Variants in CHEK2 observed in about 807,000 individuals in gnomAD.
CHEK2 encodes serine/threonine-protein kinase Chk2.
Under a neutral mutation model 69.1 loss-of-function variants are expected in CHEK2, and 71 were observed. The ratio of observed to expected loss-of-function variants is 1.03; its 90% CI spans 0.85 to 1.25. CHEK2 has a LOEUF of 1.25. Ranked by LOEUF, CHEK2 falls within the 50% of genes most tolerant of loss-of-function variation. The probability of loss-of-function intolerance (pLI) is 0.00; values close to 1 mark genes in which losing one functional copy is unlikely to be tolerated. For missense variants in CHEK2, 664 were observed against 649.6 expected, an observed-to-expected ratio of 1.02 and a Z score of -0.24; for synonymous variants, 189 against 226.9, an observed-to-expected ratio of 0.83 and a Z score of 1.50.
chr22:28,726,533 A>G (rs1231697079), intron 2 of CHEK2, among the ~76,000 whole-genome samples: 3 of 145,824 alleles, frequency 2.1e-5, no homozygotes, highest in African/African-American at 7.5e-5. Context: ...TATATTATAT[A>G]TTTATAATAT....
intron 10 of CHEK2, among the ~76,000 whole-genome samples, chr22:28,696,400 G>A (rs543527941): frequency 1.6e-4 from 24 of 152,340 alleles, no homozygotes; most frequent in African/African-American, 5.5e-4. Flanking sequence ...CTGAGATGAT[G>A]TCTGGCCCTT....
intron 13 of CHEK2, among the ~76,000 whole-genome samples, chr22:28,690,797 A>G (rs2052332743): frequency 2.0e-5 from 3 of 150,462 alleles, no homozygotes; most frequent in Admixed American, 2.0e-4. Flanking sequence ...CTGAGGAAGG[A>G]AGAAAGGAAA....
chr22:28,720,139 G>A (rs921272383), intron 4 of CHEK2, among the ~76,000 whole-genome samples: 1 of 142,168 alleles, frequency 7.0e-6, no homozygotes, highest in Non-Finnish European at 1.5e-5. Context: ...TGCCCAGGCT[G>A]GAGTGCAGTG....
Position 28,710,200 on chromosome 22 carries a change from G to A in CHEK2, c.793-141C>T, listed in dbSNP as rs569761496. The A allele has an allele frequency of 1.3e-5, 8 of 605,910 alleles. No homozygotes were observed. In the East Asian group the frequency reaches 2.0e-4, roughly 15 times the overall value. 37.5% of individuals were successfully genotyped at this position (605,910 alleles called of 1,614,324 possible). A position where few individuals can be genotyped will look rare whatever the true frequency, so the allele number is the denominator to read the frequency against. On this transcript the variant is annotated intron_variant, in intron 6 of 14. Transcript: ENST00000404276. ...CTTATACAAAGAAATCAAAGCCCAG[G>A]TCAATGACTTAAATACCTCACCTAA...
intron 13 of CHEK2, among the ~76,000 whole-genome samples, chr22:28,690,830 A>AG (rs1256755838): frequency 2.4e-5 from 3 of 125,740 alleles, no homozygotes; most frequent in Non-Finnish European, 3.3e-5. Context: ...GAAAAAGGGG[A>AG]GGGGGGACGA....
chr22:28,710,482 TAAAC>T (rs774991595), intron 6 of CHEK2, among the ~76,000 whole-genome samples: 14 of 152,110 alleles, frequency 9.2e-5, no homozygotes, highest in African/African-American at 2.4e-4. Context: ...ATTAAAATGA[TAAAC>T]AAAAAACATG....
At chr22:28,703,430 C>T (rs2052968560) in intron 8 of CHEK2, 75 bp downstream of exon 8, 1 of 827,624 alleles carries the variant, frequency 1.2e-6, no homozygotes. Context: ...GAAAGGCAAG[C>T]CTACATTAGA....
At chr22:28,703,242 T>C (rs2052957940) in intron 8 of CHEK2, among the ~76,000 whole-genome samples, 1 of 152,134 alleles carries the variant, frequency 6.6e-6, no homozygotes, top group Admixed American at 6.5e-5. Context: ...GACCCATGGG[T>C]GGTCAGCTAG....
Position 28,701,209 on chromosome 22 carries a change from AGGGGT to A in CHEK2, c.909-1277_909-1273del, listed in dbSNP as rs753805574. On this transcript the variant is annotated intron_variant, in intron 8 of 14. Transcript: ENST00000404276. ...CCCAGTGCTGTGATCAGGGGTGATC[AGGGGT>A]GTTTTTACCATAGTCTTTTTTCTTT... Among the ~76,000 whole-genome samples the A allele has an allele frequency of 1.4e-4, 22 of 152,192 alleles. No individual in the cohort carries two copies. The East Asian group carries it at 2.3e-3, about 16-fold the overall frequency.
intron 13 of CHEK2, among the ~76,000 whole-genome samples, chr22:28,691,335 C>A (rs541888492): frequency 7.9e-5 from 12 of 152,204 alleles, no homozygotes; most frequent in Middle Eastern, 6.8e-3. Flanking sequence ...CAAAAATGAG[C>A]TGGGATGGTG....
At position 28,713,697 on chromosome 22, in the gene CHEK2, T is replaced by G. The variant is rs140681563; in HGVS notation, c.684-1680A>C. ...GTCTGAACACTTGTTTGCTTTTTTT[T>G]TGAGATATAGGCTCGATCTGTCACC... On this transcript the variant is annotated intron_variant, in intron 5 of 14. Transcript: ENST00000404276. Among the ~76,000 whole-genome samples the G allele has an allele frequency of 6.3e-3, 947 of 150,922 alleles. 10 individuals are homozygous for G. Among genetic ancestry groups the G allele is most frequent in the African/African-American group, 0.022 (917 of 41,046 alleles).
chr22:28,693,813 C>G (rs111337338), intron 13 of CHEK2, among the ~76,000 whole-genome samples: 1 of 151,922 alleles, frequency 6.6e-6, no homozygotes, highest in Admixed American at 6.6e-5. Flanking sequence ...GAGCTGAGAT[C>G]GTGCCACTGC....
chr22:28,696,983 A>T lies in CHEK2; in HGVS notation c.1013T>A (p.Leu338His), dbSNP rs374660293. Reference protein sequence around the residue: ...FYQMLLAVQYLHENGIIHRDL... With the variant: ...FYQMLLAVQYHHENGIIHRDL... The stretch of plus-strand genomic sequence containing the variant: ...ACGGTGTATAATACCGTTTTCATGA[A>T]GGTACTACACAGAAAGGCAGGCATG... Residue 338 changes from leucine to histidine, a missense_variant, in exon 10 of 15, where the codon CTT becomes CAT. By Grantham distance (99) the Leu-to-His change is moderately conservative (BLOSUM62 -3). Coordinates refer to ENST00000404276, the MANE Select transcript of CHEK2 (RefSeq NM_007194.4). The T allele has an allele frequency of 3.7e-6, 6 of 1,608,666 alleles. No individual in the cohort carries two copies. Among genetic ancestry groups the T allele is most frequent in the Non-Finnish European group, 5.1e-6 (6 of 1,175,236 alleles).
At chr22:28,724,791 C>G in intron 4 of CHEK2, 186 bp downstream of exon 4, 2 of 675,640 alleles carry the variant, frequency 3.0e-6, no homozygotes, top group South Asian at 3.0e-5. Context: ...GTCTCGAACT[C>G]CTGACCTCAG....
chr22:28,699,189 A>G (rs1047410974), intron 9 of CHEK2, among the ~76,000 whole-genome samples: 1 of 151,686 alleles, frequency 6.6e-6, no homozygotes, highest in Admixed American at 6.6e-5. Context: ...TTTTGTAGAG[A>G]TGGGGGTCCC....
intron 5 of CHEK2, 148 bp downstream of exon 5, chr22:28,719,247 A>G: frequency 2.1e-6 from 1 of 485,192 alleles, no homozygotes; most frequent in South Asian, 3.5e-5. Context: ...AATAACACAC[A>G]AAAATAAAAA....
chr22:28,696,995 G>T lies in CHEK2; in HGVS notation c.1009-8C>A. The stretch of plus-strand genomic sequence containing the variant: ...ACCGTTTTCATGAAGGTACTACACA[G>T]AAAGGCAGGCATGACCCTCAGATTC... On this transcript the variant is annotated splice_polypyrimidine_tract_variant and splice_region_variant and intron_variant, in intron 9 of 14. Transcript: ENST00000404276. 6.3e-7 allele frequency: 1 copy of T among 1,588,808 alleles called. No individual in the cohort carries two copies. Among genetic ancestry groups the T allele is most frequent in the African/African-American group, 1.3e-5 (1 of 74,532 alleles).
chr22:28,709,996 T>C lies in CHEK2; in HGVS notation c.846+10A>G, dbSNP rs1345067762. The C allele has an allele frequency of 7.1e-7, 1 of 1,401,806 alleles. No individual in the cohort carries two copies. Among genetic ancestry groups the C allele is most frequent in the Non-Finnish European group, 1.0e-6 (1 of 989,898 alleles). The allele number at this position is 1,401,806 out of a possible 1,614,324, so 86.8% of individuals were successfully genotyped here. A position where few individuals can be genotyped will look rare whatever the true frequency, so the allele number is the denominator to read the frequency against. On this transcript the variant is annotated intron_variant, in intron 7 of 14. Coordinates refer to ENST00000404276, the MANE Select transcript of CHEK2 (RefSeq NM_007194.4). ...ATAAATCTAAGTATGAGTCATATAA[T>C]AATACTTACATGATTTAGCTTTTTC...
chr22:28,694,210 C>G, intron 12 of CHEK2, 93 bp from the exon 13 acceptor site: 6 of 851,700 alleles, frequency 7.0e-6, no homozygotes, highest in South Asian at 6.6e-5. Flanking sequence ...TCAGAAAGAG[C>G]AGAGAGGGTC....
Sources: gnomAD v4.1 joint callset for allele counts (sites outside exome capture counted in the v4.1 genomes callset) on GRCh38, gnomAD v4.1.1 for gene constraint, MANE v1.5 for transcripts, NCBI Gene and HGNC (gene_info 2026-07-23, HGNC 2026-07-21) for gene names.